Variants in GLT1D1 observed in about 807,000 individuals in gnomAD.
The protein encoded by GLT1D1 is glycosyltransferase 1 domain-containing protein 1.
A neutral mutation model predicts 28.7 loss-of-function variants in GLT1D1; 21 were observed. The ratio of observed to expected loss-of-function variants is 0.73; its 90% confidence interval spans 0.52 to 1.05. The LOEUF is 1.05. Ranked by LOEUF, GLT1D1 falls within the 50% of genes least tolerant of loss-of-function variation. GLT1D1 has a pLI of 0.00. For missense variants in GLT1D1, 343 were observed against 330.6 expected, an observed-to-expected ratio of 1.04 and a Z score of -0.29; for synonymous variants, 147 against 124.8, an observed-to-expected ratio of 1.18 and a Z score of -1.19.
At chr12:128,944,802 A>G (rs543709342) in intron 4 of GLT1D1, 91 of 211,626 alleles carry the variant, frequency 4.3e-4, no homozygotes, top group African/African-American at 1.9e-3. Context: ...ATTTATATAT[A>G]TATGTATATA....
At chr12:128,890,500 C>T (rs1036579753) in intron 3 of GLT1D1, among the ~76,000 whole-genome samples, 1 of 152,160 alleles carries the variant, frequency 6.6e-6, no homozygotes, top group African/African-American at 2.4e-5. Context: ...ATGATAAAAT[C>T]AGGCCGGGCA....
chr12:128,943,554 G>A (rs1875617199), intron 4 of GLT1D1, among the ~76,000 whole-genome samples: 1 of 152,138 alleles, frequency 6.6e-6, no homozygotes, highest in Non-Finnish European at 1.5e-5. Flanking sequence ...AACTTATAAT[G>A]TTAATTTCTG....
At chr12:128,881,201 G>A (rs1957027697) in intron 2 of GLT1D1, among the ~76,000 whole-genome samples, 1 of 127,890 alleles carries the variant, frequency 7.8e-6, no homozygotes, top group Non-Finnish European at 1.6e-5. Context: ...TCCAGCCTGG[G>A]CGACAGAGCG....
intron 7 of GLT1D1, among the ~76,000 whole-genome samples, chr12:128,966,158 C>T (rs586116): frequency 0.058 from 8,806 of 152,272 alleles, 842 homozygotes; most frequent in African/African-American, 0.2. Flanking sequence ...ATTCAATGAG[C>T]GGCTGGGAGT....
At chr12:128,957,365 T>G (rs1277621877) in intron 6 of GLT1D1, among the ~76,000 whole-genome samples, 180 bp from the exon 11 acceptor site, 1 of 152,206 alleles carries the variant, frequency 6.6e-6, no homozygotes, top group Non-Finnish European at 1.5e-5. Flanking sequence ...TAATTAAAAC[T>G]CAGATGTATT....
intron 4 of GLT1D1, among the ~76,000 whole-genome samples, chr12:128,941,800 C>T (rs560239950): frequency 7.9e-5 from 12 of 150,956 alleles, no homozygotes; most frequent in East Asian, 3.9e-4. Context: ...AGGCGGGTCT[C>T]GAACTCTTGA....
Position 128,983,203 on chromosome 12 carries a change from C to A in GLT1D1, c.*113C>A. On this transcript the variant is annotated 3_prime_UTR_variant, in exon 8 of 8. Transcript: ENST00000281703. This position sits in a 1 kb window ranked among gnomAD's most constrained non-coding sequence, Gnocchi z 4.7. ...GCAGTTCAAATAAAACCAGCCTCAG[C>A]GGAATCCTAGAAAATGTTAGTCGTG... 1 of 936,040 alleles carries A rather than the reference C, an allele frequency of 1.1e-6. No individual in the cohort carries two copies. The highest frequency in any genetic ancestry group is 1.6e-6 in the Non-Finnish European group (1 of 613,580). The allele number at this position is 936,040 out of a possible 1,614,324, so 58.0% of individuals were successfully genotyped here.
intron 1 of GLT1D1, among the ~76,000 whole-genome samples, chr12:128,856,810 T>C (rs1363630344): frequency 6.6e-6 from 1 of 151,398 alleles, no homozygotes; most frequent in East Asian, 1.9e-4. Context: ...CTGCTAAAAA[T>C]AAAAAAATTA....
In GLT1D1 at chr12:128,968,492, T is replaced by C. The variant is rs563918710; in HGVS notation, c.639+10849T>C. Among the ~76,000 whole-genome samples the C allele has an allele frequency of 2.7e-3, 392 of 147,112 alleles. 1 individual carries two copies. The highest frequency in any genetic ancestry group is 9.2e-3 in the African/African-American group (379 of 41,132). On this transcript the variant is annotated intron_variant, in intron 7 of 7. Coordinates refer to ENST00000281703, the MANE Select transcript of GLT1D1 (RefSeq NM_144669.3). ...TCGAGGCCAACATGGCCAAACCCCA[T>C]CTCTACTAAAAATACAAAAAATCAG...
intron 4 of GLT1D1, among the ~76,000 whole-genome samples, chr12:128,905,078 C>T (rs1298752050): frequency 8.9e-6 from 1 of 112,862 alleles, no homozygotes; most frequent in East Asian, 2.4e-4. Context: ...CCATTTCCCA[C>T]CCTAAACACT....
Position 128,969,308 on chromosome 12 carries a change from C to A in GLT1D1, c.639+11665C>A, listed in dbSNP as rs7131897. 6.8e-3 allele frequency among the ~76,000 whole-genome samples: 1,027 copies of A among 152,126 alleles called. 13 individuals carry two copies. The highest frequency in any genetic ancestry group is 0.023 in the African/African-American group (966 of 41,492). On this transcript the variant is annotated intron_variant, in intron 7 of 7. Transcript: ENST00000281703. ...CTCTCTCTCTCTCCCTGTCTCCCTCCCTCCCCTCCTCTCCTGTTTTACACC... is the reference window on the plus strand; with the variant it reads ...CTCTCTCTCTCTCCCTGTCTCCCTCACTCCCCTCCTCTCCTGTTTTACACC...
At chr12:128,866,542 T>C (rs1956525793) in intron 1 of GLT1D1, among the ~76,000 whole-genome samples, 1 of 150,180 alleles carries the variant, frequency 6.7e-6, no homozygotes, top group Non-Finnish European at 1.5e-5. Flanking sequence ...TCTCTACTTC[T>C]GTGTGCTGGA....
rs1371405476 is a variant in GLT1D1 at position 128,854,583 on chromosome 12, C to T, written c.68+934C>T. Among the ~76,000 whole-genome samples, 4 of 152,024 alleles carry T rather than the reference C, an allele frequency of 2.6e-5. No individual in the cohort carries two copies. In the East Asian group the frequency reaches 7.7e-4, roughly 29 times the overall value. On this transcript the variant is annotated intron_variant, in intron 1 of 7. Transcript: ENST00000281703. ...CGCAATCTGGGCTCACTGCAACCTC[C>T]GCCTCCTGGATTCAAGCATTCTCCT...
chr12:128,945,780 G>A (rs563128434), intron 5 of GLT1D1, among the ~76,000 whole-genome samples: 1 of 152,334 alleles, frequency 6.6e-6, no homozygotes, highest in African/African-American at 2.4e-5. Flanking sequence ...AAGTCTGAGG[G>A]TGGTCATTCA....
intron 7 of GLT1D1, among the ~76,000 whole-genome samples, chr12:128,974,193 A>G (rs1435512543): frequency 6.6e-6 from 1 of 152,122 alleles, no homozygotes; most frequent in Non-Finnish European, 1.5e-5. Context: ...CTTGGAAAAC[A>G]TGCAGTCGGG....
chr12:128,857,927 C>T (rs1566077171), intron 1 of GLT1D1, among the ~76,000 whole-genome samples: 2 of 152,184 alleles, frequency 1.3e-5, no homozygotes, highest in Non-Finnish European at 2.9e-5. Flanking sequence ...GGACCGATCC[C>T]AGATCAGAGG....
intron 1 of GLT1D1, among the ~76,000 whole-genome samples, chr12:128,854,405 G>A (rs1261262902): frequency 6.7e-6 from 1 of 148,680 alleles, no homozygotes; most frequent in Non-Finnish European, 1.5e-5. Flanking sequence ...GTGTGTGTGT[G>A]TGTGTGTGTG....
At position 128,893,250 on chromosome 12, in the gene GLT1D1, C is replaced by A. The variant is rs551853756; in HGVS notation, c.323+4506C>A. ...AAAGAGGGAGACTCTGTCTCAAAAA[C>A]AAAAGAAAGAAAAGAAAAAATTATC... On this transcript the variant is annotated intron_variant, in intron 3 of 7. Coordinates refer to ENST00000281703, the MANE Select transcript of GLT1D1 (RefSeq NM_144669.3). Among the ~76,000 whole-genome samples the A allele has an allele frequency of 2.6e-5, 4 of 151,652 alleles. 1 individual carries two copies. The East Asian group carries it at 5.8e-4, about 22-fold the overall frequency.
chr12:128,875,510 A>G (rs1170491404), intron 1 of GLT1D1, among the ~76,000 whole-genome samples: 1 of 152,206 alleles, frequency 6.6e-6, no homozygotes, highest in African/African-American at 2.4e-5. Flanking sequence ...AATCTTAATC[A>G]TAGTAGCTGA....
Sources: allele counts gnomAD v4.1 joint callset (sites outside exome capture counted in the v4.1 genomes callset), GRCh38; gene constraint gnomAD v4.1.1; non-coding constraint Gnocchi (gnomAD v3.1); transcripts MANE v1.5; gene names NCBI Gene and HGNC (gene_info 2026-07-23, HGNC 2026-07-21).